The following LRCH1 variants were observed in gnomAD, a reference collection of about 807,000 sequenced individuals.
LRCH1 encodes the protein leucine-rich repeat and calponin homology domain-containing protein 1.
In LRCH1, 23 loss-of-function variants were observed where a neutral mutation model predicts 94.9. The ratio of observed to expected loss-of-function variants is 0.24; its 90% CI spans 0.17 to 0.34. LRCH1 has a LOEUF of 0.34. LRCH1 is among the 10% of genes least tolerant of loss of function. The pLI is 1.00. For missense variants in LRCH1, 790 were observed against 945.9 expected, an observed-to-expected ratio of 0.84 and a Z score of 2.16; for synonymous variants, 364 against 354.9, an observed-to-expected ratio of 1.03 and a Z score of -0.29.
chr13:46,612,592 G>T (rs2050759643), intron 1 of LRCH1, among the ~76,000 whole-genome samples: 1 of 152,170 alleles, frequency 6.6e-6, no homozygotes, highest in African/African-American at 2.4e-5. Context: ...AATGAGGTCA[G>T]TTAGACCACT....
intron 1 of LRCH1, among the ~76,000 whole-genome samples, chr13:46,649,912 G>C (rs2051270752): frequency 6.6e-6 from 1 of 151,858 alleles, no homozygotes. Context: ...TTGCATACTT[G>C]TCTGGTAGAA....
chr13:46,613,895 GT>G (rs2050775276), intron 1 of LRCH1, among the ~76,000 whole-genome samples: 1 of 152,076 alleles, frequency 6.6e-6, no homozygotes, highest in Non-Finnish European at 1.5e-5. Flanking sequence ...ACATTAGCCG[GT>G]TATTTTGCCT....
Position 46,742,781 on chromosome 13 carries a change from A to G in LRCH1, c.*933A>G, listed in dbSNP as rs1328858581. The G allele has an allele frequency of 1.0e-6, 1 of 985,402 alleles. No homozygotes were observed. Among genetic ancestry groups the G allele is most frequent in the African/African-American group, 1.7e-5 (1 of 57,350 alleles). 61.0% of individuals were successfully genotyped at this position (985,402 alleles called of 1,614,324 possible). ...CAAATAAAGCCATGAGCCGTGGAACATTCTTGGTCCTGGTGCTTGGGTTAT... is the reference window on the plus strand; with the variant it reads ...CAAATAAAGCCATGAGCCGTGGAACGTTCTTGGTCCTGGTGCTTGGGTTAT... On this transcript the variant is annotated 3_prime_UTR_variant, in exon 20 of 20. Coordinates refer to ENST00000389797, the MANE Select transcript of LRCH1 (RefSeq NM_001164211.2).
intron 10 of LRCH1, among the ~76,000 whole-genome samples, chr13:46,699,710 A>C (rs1871366149): frequency 6.6e-6 from 1 of 152,208 alleles, no homozygotes; most frequent in African/African-American, 2.4e-5. Flanking sequence ...AATTGCCTGA[A>C]GAAGCCAACA....
At chr13:46,681,666 T>G (rs1167340392) in intron 3 of LRCH1, 75 bp from the exon 4 acceptor site, 3 of 996,736 alleles carry the variant, frequency 3.0e-6, no homozygotes, top group African/African-American at 1.6e-5. Context: ...TTAAATTCCT[T>G]AAGGAGATTT....
At chr13:46,692,351 T>C (rs1870941913) in intron 7 of LRCH1, among the ~76,000 whole-genome samples, 185 bp from the exon 8 acceptor site, 1 of 152,232 alleles carries the variant, frequency 6.6e-6, no homozygotes, top group Non-Finnish European at 1.5e-5. Context: ...TTCCTAATTT[T>C]AAATACCATG....
chr13:46,681,930 C>A (rs45439193), intron 4 of LRCH1, 84 bp downstream of exon 4: 3 of 590,518 alleles, frequency 5.1e-6, no homozygotes, highest in South Asian at 3.7e-5. Flanking sequence ...TGAAGAGGGT[C>A]GATCTTTGTG....
rs67588975 is a variant in LRCH1, at chr13:46,657,500, C to CTTTTTTTT, written c.452+7190_452+7197dup. On this transcript the variant is annotated intron_variant, in intron 2 of 19. Transcript: ENST00000389797. ...TCATTTTTACTTTTTCTTTTCTTTT[C>CTTTTTTTT]TTTTTTTTTTTTTTTTTTTTTTTTT... is the stretch of plus-strand genomic sequence containing the variant. 8.8e-4 allele frequency among the ~76,000 whole-genome samples: 10 copies of CTTTTTTTT among 11,384 alleles called. 2 individuals carry two copies. Among genetic ancestry groups the CTTTTTTTT allele is most frequent in the Non-Finnish European group, 1.3e-3 (8 of 6,140 alleles). The allele number at this position is 11,384 out of a possible 152,430, so 7.5% of individuals were successfully genotyped here.
At chr13:46,557,637 G>A (rs555385808) in intron 1 of LRCH1, among the ~76,000 whole-genome samples, 130 of 151,812 alleles carry the variant, frequency 8.6e-4, no homozygotes, top group African/African-American at 2.8e-3. Context: ...GAGGTCAGGA[G>A]TTTGAGACCA....
At chr13:46,683,901 C>G (rs546005564) in intron 4 of LRCH1, among the ~76,000 whole-genome samples, 1 of 152,020 alleles carries the variant, frequency 6.6e-6, no homozygotes, top group African/African-American at 2.4e-5. Flanking sequence ...TTGCTTCCCT[C>G]TGGAGAACTC....
At chr13:46,675,003 A>C (rs2051651690) in intron 3 of LRCH1, among the ~76,000 whole-genome samples, 1 of 152,220 alleles carries the variant, frequency 6.6e-6, no homozygotes, top group African/African-American at 2.4e-5. Context: ...GTTACAAAAA[A>C]AAAGGTTTGG....
intron 1 of LRCH1, among the ~76,000 whole-genome samples, chr13:46,607,604 CCTT>C (rs2050702050): frequency 6.6e-6 from 1 of 151,526 alleles, no homozygotes; most frequent in Non-Finnish European, 1.5e-5. Context: ...TTCTCCTTCT[CCTT>C]CTCCTTCTCT....
chr13:46,708,016 G>A (rs560237196), intron 13 of LRCH1, among the ~76,000 whole-genome samples: 20 of 152,326 alleles, frequency 1.3e-4, no homozygotes, highest in Admixed American at 1.2e-3. Context: ...CTTTCCCACT[G>A]TGGTATATTG....
At chr13:46,664,975 A>G (rs2051496498) in intron 2 of LRCH1, among the ~76,000 whole-genome samples, 1 of 152,182 alleles carries the variant, frequency 6.6e-6, no homozygotes, top group African/African-American at 2.4e-5. Flanking sequence ...TCTCTTGACA[A>G]TCTGAAAGGT....
chr13:46,582,659 T>TTTTTTTTTTTTTTTTG (rs2050385145), intron 1 of LRCH1, among the ~76,000 whole-genome samples: 1 of 104,684 alleles, frequency 9.6e-6, no homozygotes, highest in Admixed American at 1.1e-4. Context: ...TTTTTTTTTT[T>TTTTTTTTTTTTTTTTG]TTTTTTTTTT....
chr13:46,716,165 CT>C (rs1872310082), intron 16 of LRCH1, among the ~76,000 whole-genome samples: 1 of 152,010 alleles, frequency 6.6e-6, no homozygotes, highest in Non-Finnish European at 1.5e-5. Context: ...CATTTGCCTT[CT>C]TTTTTCCAAA....
chr13:46,603,531 A>G (rs1048187637), intron 1 of LRCH1, among the ~76,000 whole-genome samples: 1 of 152,226 alleles, frequency 6.6e-6, no homozygotes, highest in African/African-American at 2.4e-5. Context: ...CACTGAATGC[A>G]CCAATAAATT....
intron 3 of LRCH1, 127 bp downstream of exon 3, chr13:46,669,283 T>C: frequency 9.4e-7 from 1 of 1,060,962 alleles, no homozygotes; most frequent in Non-Finnish European, 1.3e-6. Flanking sequence ...GGCAGGTATA[T>C]GATAAAGACA....
Position 46,723,293 on chromosome 13 carries a change from T to C in LRCH1, c.1832T>C (p.Met611Thr). ...QFTIRRKMEQMREEKELVEQL... is the reference protein window; with the variant it reads ...QFTIRRKMEQTREEKELVEQL... ...ACAATCCGGAGGAAAATGGAGCAGA[T>C]GAGAGAAGAGAAAGAGCTGGTGGAA... is the stretch of plus-strand genomic sequence containing the variant. Residue 611 changes from methionine to threonine, a missense_variant, in exon 17 of 20, where the codon ATG becomes ACG. Around this residue, in one of 3 missense-constraint regions of LRCH1, gnomAD observed 460 missense variants for 508.9 expected, o/e 0.90. Coordinates refer to ENST00000389797, the MANE Select transcript of LRCH1 (RefSeq NM_001164211.2). The C allele has an allele frequency of 6.2e-7, 1 of 1,613,660 alleles. No individual in the cohort carries two copies. Among genetic ancestry groups the C allele is most frequent in the Non-Finnish European group, 8.5e-7 (1 of 1,179,634 alleles).
Sources: allele counts gnomAD v4.1 joint callset (sites outside exome capture counted in the v4.1 genomes callset), GRCh38; gene constraint gnomAD v4.1.1; regional missense constraint gnomAD v4.1.1; transcripts MANE v1.5; gene names NCBI Gene and HGNC (gene_info 2026-07-23, HGNC 2026-07-21).